Variants in NOX1 observed in about 807,000 individuals in gnomAD.
NOX1 encodes NADH/NADPH mitogenic oxidase subunit P65-MOX.
NOX1 carries 34 observed loss-of-function variants against 42.5 expected under a neutral mutation model. The ratio of observed to expected loss-of-function variants is 0.80; its 90% CI spans 0.61 to 1.07. The LOEUF (loss-of-function observed/expected upper bound fraction) is 1.07, where lower values mean the gene tolerates loss of function less well. Among genes scored for constraint, NOX1 ranks in the 50% least tolerant of loss-of-function variants. The probability of loss-of-function intolerance (pLI) is 0.00; values close to 1 mark genes in which losing one functional copy is unlikely to be tolerated. For synonymous variants in NOX1, 143 were observed against 152.5 expected (o/e 0.94, Z 0.46); for missense variants, 408 against 427.0 (o/e 0.96, Z 0.39).
intron 2 of NOX1, among the ~76,000 whole-genome samples, chrX:100,867,286 C>T (rs1044932540): frequency 8.9e-6 from 1 of 112,020 alleles, no homozygotes; most frequent in Non-Finnish European, 1.9e-5. Flanking sequence ...TCCCAAAGTG[C>T]TGGGATTACA....
intron 2 of NOX1, among the ~76,000 whole-genome samples, chrX:100,868,942 C>G (rs966649138): frequency 9.1e-6 from 1 of 110,479 alleles, no homozygotes; most frequent in African/African-American, 3.3e-5. Context: ...GCTTGTTTTT[C>G]TCAGGTTTGT....
chrX:100,845,428 G>A (rs1017500446), intron 12 of NOX1, among the ~76,000 whole-genome samples: 3 of 109,782 alleles, frequency 2.7e-5, no homozygotes, highest in Admixed American at 1.9e-4. Flanking sequence ...TCCAGTATGT[G>A]AATATACTAC....
chrX:100,867,842 A>G (rs1055310899), intron 2 of NOX1, among the ~76,000 whole-genome samples: 2 of 110,086 alleles, frequency 1.8e-5, no homozygotes, highest in Non-Finnish European at 3.8e-5. Flanking sequence ...GAAGGAAAGA[A>G]AGAGAGAGAG....
At chrX:100,856,727 C>G (rs982998542) in intron 7 of NOX1, among the ~76,000 whole-genome samples, 1 of 110,201 alleles carries the variant, frequency 9.1e-6, no homozygotes, top group Admixed American at 9.7e-5. Context: ...CGTGCACCAC[C>G]ATGCCCGGCT....
Position 100,853,315 on chromosome X carries a change from T to TC in NOX1, c.805-1991_805-1990insG, listed in dbSNP as rs1181019705. 3.8e-3 allele frequency among the ~76,000 whole-genome samples: 332 copies of TC among 87,030 alleles called. 1 individual carries two copies. Among genetic ancestry groups the TC allele is most frequent in the African/African-American group, 0.01 (218 of 21,680 alleles). 75.6% of individuals were successfully genotyped at this position (87,030 alleles called of 115,157 possible). On this transcript the variant is annotated intron_variant, in intron 7 of 12. Transcript: ENST00000372966. ...CTTTCTTTCTTTCTTTCTTTCTTTC[T>TC]TTCTTTCTCTCTCTTTCTCTTTCTT...
chrX:100,849,663 A>G (rs2085098997), intron 10 of NOX1, 109 bp downstream of exon 10: 1 of 799,803 alleles, frequency 1.3e-6, no homozygotes, highest in Non-Finnish European at 1.8e-6. Flanking sequence ...ACTTATTCTC[A>G]TAACTCCAGG....
chrX:100,849,845 G>T lies in NOX1; in HGVS notation c.1223C>A (p.Thr408Asn), dbSNP rs763972933. 8.3e-7 allele frequency: 1 copy of T among 1,211,088 alleles called. No individual in the cohort carries two copies. The highest frequency in any genetic ancestry group is 1.1e-6 in the Non-Finnish European group (1 of 894,906). The change falls in exon 10 of 13, where the codon ACC (threonine) becomes AAC (asparagine). Residue 408 changes from threonine to asparagine, a missense_variant. Coordinates refer to ENST00000372966, the MANE Select transcript of NOX1 (RefSeq NM_007052.5). ...AVLVGAGIGV[T>N]PFASILKSIW... ...GGATTTCAAGATAGAAGCAAAGGGG[G>T]TGACCCCAATTCCTGCTCCAACCAG...
intron 2 of NOX1, 38 bp downstream of exon 2, chrX:100,870,681 A>G (rs773160455): frequency 2.3e-6 from 2 of 866,783 alleles, no homozygotes; most frequent in Non-Finnish European, 3.4e-6. Flanking sequence ...GATAAGGAAA[A>G]CAATAGAGAT....
intron 1 of NOX1, among the ~76,000 whole-genome samples, chrX:100,871,853 C>T (rs1352084503): frequency 8.9e-6 from 1 of 111,943 alleles, no homozygotes; most frequent in Non-Finnish European, 1.9e-5. Flanking sequence ...CACTCACACA[C>T]CTTTAGTACT....
intron 7 of NOX1, among the ~76,000 whole-genome samples, chrX:100,857,099 T>C (rs960922757): frequency 8.9e-6 from 1 of 111,977 alleles, no homozygotes; most frequent in African/African-American, 3.2e-5. Context: ...TACTCAATGT[T>C]TAGCTATCAC....
chrX:100,870,839 A>C, intron 1 of NOX1, 25 bp from the exon 2 acceptor site: 1 of 970,071 alleles, frequency 1.0e-6, no homozygotes, highest in East Asian at 3.1e-5. Context: ...AAAAACATGC[A>C]AAGAATAAAG....
chrX:100,872,829 C>G (rs1369444885), intron 1 of NOX1, among the ~76,000 whole-genome samples: 1 of 110,357 alleles, frequency 9.1e-6, no homozygotes, highest in Non-Finnish European at 1.9e-5. Flanking sequence ...TCGAGATCAC[C>G]CAGTTAGTAG....
At chrX:100,860,227 A>G (rs899689841) in intron 7 of NOX1, among the ~76,000 whole-genome samples, 2 of 111,832 alleles carry the variant, frequency 1.8e-5, no homozygotes, top group African/African-American at 6.5e-5. Flanking sequence ...CTAGTTCCCC[A>G]CTGATGGACA....
Position 100,851,255 on chromosome X carries a change from T to G in NOX1, c.875A>C (p.Gln292Pro). Residue 292 changes from glutamine (Q) to proline (P), a missense_variant, in exon 8 of 13, where the codon CAG becomes CCG. By Grantham distance (76) the Gln-to-Pro change is moderately conservative (BLOSUM62 -1). Coordinates refer to ENST00000372966, the MANE Select transcript of NOX1 (RefSeq NM_007052.5). ...TACCTTGGTAATCACAACCTTCTGC[T>G]GGGAGCGGTAAAACCGGAGGATCCT... ...CERILRFYRS[Q>P]QKVVITKVVM... 8.4e-7 allele frequency: 1 copy of G among 1,192,377 alleles called. No individual in the cohort carries two copies. The highest frequency in any genetic ancestry group is 1.1e-6 in the Non-Finnish European group (1 of 880,289).
rs750301113 is a variant in NOX1, at chrX:100,870,803, TA to T, written c.56del (p.Leu19Ter). On this transcript the variant is annotated frameshift_variant, in exon 2 of 13. Coordinates refer to ENST00000372966, the MANE Select transcript of NOX1 (RefSeq NM_007052.5). LOFTEE classifies it high-confidence loss of function. The part of the protein sequence containing the change: ...WFSVLFLVVW[L>X]GLNVFLFVDA... ...CCACAAACAGGAAAACATTCAGCCC[TA>T]ACCAAACAACCTAGAGAAAGAAAAA... is the stretch of plus-strand genomic sequence containing the variant. The T allele has an allele frequency of 1.3e-5, 15 of 1,164,466 alleles. No homozygotes were observed. Among genetic ancestry groups the T allele is most frequent in the Non-Finnish European group, 1.7e-5 (15 of 860,579 alleles).
At chrX:100,845,019 T>C (rs929885678) in intron 12 of NOX1, among the ~76,000 whole-genome samples, 2 of 111,358 alleles carry the variant, frequency 1.8e-5, no homozygotes, top group Non-Finnish European at 3.8e-5. Flanking sequence ...CTTCCTTCTC[T>C]CATACCTTTC....
Position 100,853,316 on chromosome X carries a change from T to TC in NOX1, c.805-1992_805-1991insG, listed in dbSNP as rs1569445662. Among the ~76,000 whole-genome samples, 273 of 83,624 alleles carry TC rather than the reference T, an allele frequency of 3.3e-3. 1 individual carries two copies. Among genetic ancestry groups the TC allele is most frequent in the African/African-American group, 9.0e-3 (174 of 19,428 alleles). The allele number at this position is 83,624 out of a possible 115,157, so 72.6% of individuals were successfully genotyped here. A position where few individuals can be genotyped will look rare whatever the true frequency, so the allele number is the denominator to read the frequency against. Reference sequence around the variant, plus strand: ...TTTCTTTCTTTCTTTCTTTCTTTCTTTCTTTCTCTCTCTTTCTCTTTCTTT... The same window carrying TC: ...TTTCTTTCTTTCTTTCTTTCTTTCTTCTCTTTCTCTCTCTTTCTCTTTCTTT... On this transcript the variant is annotated intron_variant, in intron 7 of 12. Coordinates refer to ENST00000372966, the MANE Select transcript of NOX1 (RefSeq NM_007052.5).
At chrX:100,849,514 T>G in intron 10 of NOX1, 88 bp from the exon 11 acceptor site, 1 of 982,745 alleles carries the variant, frequency 1.0e-6, no homozygotes, top group Middle Eastern at 3.2e-4. Flanking sequence ...GCAGGAATGT[T>G]CAGAGTTCTG....
At chrX:100,865,106 A>G (rs1326208027) in intron 2 of NOX1, among the ~76,000 whole-genome samples, 1 of 112,056 alleles carries the variant, frequency 8.9e-6, no homozygotes, top group Non-Finnish European at 1.9e-5. Flanking sequence ...AAGCTGCCCT[A>G]CTGTTTTCCA....
Sources: allele counts gnomAD v4.1 joint callset (sites outside exome capture counted in the v4.1 genomes callset), GRCh38; gene constraint gnomAD v4.1.1; transcripts MANE v1.5; gene names NCBI Gene and HGNC (gene_info 2026-07-23, HGNC 2026-07-21).